SDC2: variants seen among roughly 807,000 people sequenced by gnomAD.
SDC2 encodes the protein syndecan 2.
SDC2 carries 13 observed loss-of-function variants against 22.2 expected under a neutral mutation model. The observed-to-expected ratio is 0.59, with a 90% CI of 0.38 to 0.93. The LOEUF (loss-of-function observed/expected upper bound fraction) is 0.93, where lower values mean the gene tolerates loss of function less well. SDC2 is among the 40% of genes least tolerant of loss of function. The pLI, the probability that SDC2 is intolerant of heterozygous loss-of-function variation, is 0.00. For missense variants in SDC2, 235 were observed against 246.8 expected, an observed-to-expected ratio of 0.95 and a Z score of 0.32; for synonymous variants, 94 against 92.8, an observed-to-expected ratio of 1.01 and a Z score of -0.07.
chr8:96,500,832 C>T (rs1014798539), intron 1 of SDC2, among the ~76,000 whole-genome samples: 1 of 152,100 alleles, frequency 6.6e-6, no homozygotes, highest in Admixed American at 6.5e-5. Flanking sequence ...TGGGAGAGGA[C>T]ACTGTTGAAA....
intron 4 of SDC2, among the ~76,000 whole-genome samples, chr8:96,608,711 G>A (rs1427977023): frequency 2.6e-5 from 4 of 152,174 alleles, no homozygotes; most frequent in Admixed American, 2.6e-4. Flanking sequence ...CCTAAAAGAG[G>A]GAAAGTTAAC....
At chr8:96,581,791 G>A (rs371673538) in intron 1 of SDC2, among the ~76,000 whole-genome samples, 1 of 152,192 alleles carries the variant, frequency 6.6e-6, no homozygotes, top group Non-Finnish European at 1.5e-5. Flanking sequence ...TTGGCCACGT[G>A]TCAGTTTGTA....
intron 1 of SDC2, among the ~76,000 whole-genome samples, chr8:96,569,196 A>G (rs1199462742): frequency 6.6e-6 from 1 of 152,134 alleles, no homozygotes; most frequent in South Asian, 2.1e-4. Flanking sequence ...TTTTGTAGAG[A>G]CAGGGTCTCA....
chr8:96,526,333 A>G (rs1339093853), intron 1 of SDC2, among the ~76,000 whole-genome samples: 1 of 152,268 alleles, frequency 6.6e-6, no homozygotes, highest in African/African-American at 2.4e-5. Flanking sequence ...AAAAGGACCA[A>G]GCTGATCTCC....
At chr8:96,502,452 AAAATAACTTTCATT>A (rs1813181116) in intron 1 of SDC2, among the ~76,000 whole-genome samples, 1 of 149,780 alleles carries the variant, frequency 6.7e-6, no homozygotes, top group African/African-American at 2.4e-5. Context: ...CTGCGTGGTA[AAAATAACTTTCATT>A]CTAGATAGAA....
chr8:96,495,470 T>C (rs139254053), intron 1 of SDC2, among the ~76,000 whole-genome samples: 1,700 of 152,314 alleles, frequency 0.011, 33 homozygotes, highest in African/African-American at 0.038. Context: ...GGTGGAAGCT[T>C]GAGCACCCCA....
chr8:96,608,591 T>A, intron 4 of SDC2, 121 bp downstream of exon 4: 1 of 868,806 alleles, frequency 1.2e-6, no homozygotes, highest in Admixed American at 2.9e-5. Flanking sequence ...GTCTTGTGGG[T>A]GCTTGATTCC....
At chr8:96,515,206 C>T (rs1472343571) in intron 1 of SDC2, among the ~76,000 whole-genome samples, 13 of 152,152 alleles carry the variant, frequency 8.5e-5, no homozygotes, top group Non-Finnish European at 1.6e-4. Context: ...CTTAAGGAGT[C>T]GCTTTTTCCC....
intron 1 of SDC2, among the ~76,000 whole-genome samples, chr8:96,578,510 G>A (rs913598385): frequency 2.0e-5 from 3 of 152,150 alleles, no homozygotes; most frequent in Non-Finnish European, 4.4e-5. Flanking sequence ...GAGAAGGATG[G>A]GATTGAAATT....
At chr8:96,590,751 C>A (rs1374261071) in intron 1 of SDC2, among the ~76,000 whole-genome samples, 1 of 152,096 alleles carries the variant, frequency 6.6e-6, no homozygotes, top group African/African-American at 2.4e-5. Flanking sequence ...GTAATTTCTC[C>A]TATGTTCTTT....
At chr8:96,593,909 C>T (rs1651740887) in intron 2 of SDC2, among the ~76,000 whole-genome samples, 1 of 152,132 alleles carries the variant, frequency 6.6e-6, no homozygotes, top group Admixed American at 6.5e-5. Context: ...GCACATAGTG[C>T]TCTGTCAACA....
At chr8:96,558,248 G>A (rs934229792) in intron 1 of SDC2, among the ~76,000 whole-genome samples, 4 of 152,122 alleles carry the variant, frequency 2.6e-5, no homozygotes, top group Non-Finnish European at 5.9e-5. Flanking sequence ...GGAAAGGAGA[G>A]GGGGTTGGGG....
intron 1 of SDC2, among the ~76,000 whole-genome samples, chr8:96,498,778 C>T (rs1214651430): frequency 1.3e-5 from 2 of 152,206 alleles, no homozygotes; most frequent in Non-Finnish European, 2.9e-5. Context: ...ACGTGAGCCA[C>T]TATGCCTGGC....
At chr8:96,545,750 G>T (rs1234702952) in intron 1 of SDC2, among the ~76,000 whole-genome samples, 1 of 152,206 alleles carries the variant, frequency 6.6e-6, no homozygotes, top group African/African-American at 2.4e-5. Flanking sequence ...TGGGCTTAGG[G>T]TGGTGGCCTG....
intron 1 of SDC2, among the ~76,000 whole-genome samples, chr8:96,521,786 C>T (rs1813501960): frequency 6.6e-6 from 1 of 152,118 alleles, no homozygotes; most frequent in African/African-American, 2.4e-5. Flanking sequence ...TAAATCCAAG[C>T]GTATCACTAA....
At chr8:96,540,564 G>A (rs1417413341) in intron 1 of SDC2, among the ~76,000 whole-genome samples, 5 of 148,036 alleles carry the variant, frequency 3.4e-5, no homozygotes, top group Admixed American at 2.7e-4. Flanking sequence ...CTGCTCACCC[G>A]CCCATCTTTA....
At chr8:96,591,018 T>A (rs978249845) in intron 1 of SDC2, among the ~76,000 whole-genome samples, 1 of 152,180 alleles carries the variant, frequency 6.6e-6, no homozygotes. Flanking sequence ...TCAGTTGGCT[T>A]GTCAGACTGC....
At chr8:96,523,206 C>T (rs28437004) in intron 1 of SDC2, among the ~76,000 whole-genome samples, 66,057 of 151,952 alleles carry the variant, frequency 0.43, 15,382 homozygotes, top group Non-Finnish European at 0.53. Context: ...TCTAAAATCC[C>T]GCACTGTTCA....
intron 1 of SDC2, among the ~76,000 whole-genome samples, chr8:96,504,163 T>A (rs1586267895): frequency 6.6e-6 from 1 of 152,210 alleles, no homozygotes; most frequent in Non-Finnish European, 1.5e-5. Flanking sequence ...AAATTCTGGT[T>A]AACTGAAGGC....
Sources: allele counts gnomAD v4.1 joint callset (sites outside exome capture counted in the v4.1 genomes callset), GRCh38; gene constraint gnomAD v4.1.1; transcripts MANE v1.5; gene names NCBI Gene and HGNC (gene_info 2026-07-23, HGNC 2026-07-21).